Variants in ZNF106 observed in about 807,000 individuals in gnomAD.
ZNF106 encodes SH3-domain binding protein 3.
ZNF106 carries 67 observed loss-of-function variants against 195.1 expected under a neutral mutation model. The ratio of observed to expected loss-of-function variants is 0.34; its 90% CI spans 0.28 to 0.42. The LOEUF is 0.42. Among genes scored for constraint, ZNF106 ranks in the 10% least tolerant of loss-of-function variants. The probability of loss-of-function intolerance (pLI) is 1.00; values close to 1 mark genes in which losing one functional copy is unlikely to be tolerated. For synonymous variants in ZNF106, 784 were observed against 818.6 expected, an observed-to-expected ratio of 0.96 and a Z score of 0.72; for missense variants, 2,118 against 2,304.5, an observed-to-expected ratio of 0.92 and a Z score of 1.66.
intron 3 of ZNF106, among the ~76,000 whole-genome samples, chr15:42,458,725 A>AG (rs2056309754): frequency 6.6e-6 from 1 of 151,706 alleles, no homozygotes; most frequent in South Asian, 2.1e-4. Flanking sequence ...CAAAAGAAAA[A>AG]AAAAAACAAC....
At chr15:42,434,022 T>C (rs2055170645) in intron 14 of ZNF106, among the ~76,000 whole-genome samples, 1 of 152,122 alleles carries the variant, frequency 6.6e-6, no homozygotes, top group Non-Finnish European at 1.5e-5. Context: ...CTGATTTTTA[T>C]TTTTTATAGA....
chr15:42,439,209 T>G lies in ZNF106; in HGVS notation c.4368A>C (p.Leu1456Phe). ...LEVLEIPNPQ[L>F]EVVAIDSSES... ...CTGAAGAATCAATGGCTACTACTTC[T>G]AACTGAGGATTAGGAATTTCTAGGA... The change falls in exon 11 of 22, where the codon TTA becomes TTC. Residue 1456 changes from leucine to phenylalanine, a missense_variant. By Grantham distance (22) the Leu-to-Phe change is conservative. Coordinates refer to ENST00000564754, the MANE Select transcript of ZNF106 (RefSeq NM_001366845.3). 6.2e-7 allele frequency: 1 copy of G among 1,614,154 alleles called. No individual in the cohort carries two copies. Among genetic ancestry groups the G allele is most frequent in the Non-Finnish European group, 8.5e-7 (1 of 1,180,026 alleles).
chr15:42,488,038 GACCT>G (rs1408390269), intron 1 of ZNF106, among the ~76,000 whole-genome samples: 1 of 152,138 alleles, frequency 6.6e-6, no homozygotes, highest in Non-Finnish European at 1.5e-5. Flanking sequence ...TTACATGTAA[GACCT>G]AATACAATGC....
intron 14 of ZNF106, among the ~76,000 whole-genome samples, chr15:42,432,662 CAGG>C (rs2055095739): frequency 6.6e-6 from 1 of 150,782 alleles, no homozygotes; most frequent in South Asian, 2.1e-4. Flanking sequence ...TGCTTGTGCC[CAGG>C]AGCTTTAGAA....
At position 42,422,535 on chromosome 15, in the gene ZNF106, C is replaced by T; in HGVS notation, c.5339G>A (p.Cys1780Tyr). 1.2e-6 allele frequency: 2 copies of T among 1,613,558 alleles called. No homozygotes were observed. The highest frequency in any genetic ancestry group is 1.7e-6 in the Non-Finnish European group (2 of 1,179,930). The change falls in exon 18 of 22, where the codon TGC becomes TAC. Residue 1780 changes from cysteine to tyrosine, a missense_variant. Transcript: ENST00000564754. ...NILGKVMVTA[C>Y]LDKFVRVYEL... ...ATAGACACGAACAAATTTATCCAGG[C>T]AAGCAGTCACCATCACTTTTCCTAG... is the stretch of plus-strand genomic sequence containing the variant.
At chr15:42,472,343 T>A (rs1184444847) in intron 1 of ZNF106, 22 bp from the exon 2 acceptor site, 2 of 1,510,994 alleles carry the variant, frequency 1.3e-6, no homozygotes, top group Non-Finnish European at 1.8e-6. Flanking sequence ...AAGTAACATT[T>A]AGTAACCTTT....
chr15:42,464,110 G>A (rs2056457170), intron 3 of ZNF106, among the ~76,000 whole-genome samples: 1 of 147,654 alleles, frequency 6.8e-6, no homozygotes, highest in African/African-American at 2.4e-5. Flanking sequence ...GGGAGGCCGA[G>A]GCGGGCAGAT....
At chr15:42,440,595 T>C (rs1328515512) in intron 10 of ZNF106, among the ~76,000 whole-genome samples, 1 of 152,118 alleles carries the variant, frequency 6.6e-6, no homozygotes, top group Non-Finnish European at 1.5e-5. Context: ...TGAAATAATA[T>C]GTAATACGAA....
chr15:42,481,524 A>G lies in ZNF106; in HGVS notation c.-32-9203T>C, dbSNP rs191652095. The stretch of plus-strand genomic sequence containing the variant: ...AGGCACCAGCTAATCATGCCTGGCT[A>G]ATTTTTTTTATTTTTAGTAGAGATG... On this transcript the variant is annotated intron_variant, in intron 1 of 21. Transcript: ENST00000564754. Among the ~76,000 whole-genome samples the G allele has an allele frequency of 1.9e-3, 291 of 151,798 alleles. 1 individual carries two copies. Among genetic ancestry groups the G allele is most frequent in the African/African-American group, 6.7e-3 (279 of 41,412 alleles).
intron 15 of ZNF106, among the ~76,000 whole-genome samples, chr15:42,426,563 C>CTTTTT (rs539711765): frequency 2.6e-5 from 3 of 115,736 alleles, no homozygotes; most frequent in Non-Finnish European, 5.3e-5. Flanking sequence ...CCATACTTAG[C>CTTTTT]TTTTTTTTTT....
Position 42,472,310 on chromosome 15 carries a change from T to G in ZNF106, c.-21A>C, listed in dbSNP as rs576612689. On this transcript the variant is annotated 5_prime_UTR_variant, in exon 2 of 22. Transcript: ENST00000564754. The stretch of plus-strand genomic sequence containing the variant: ...ACCATAGTGACCAGATCTGAAGCAC[T>G]CAACGTCACAGCTGCAATGAGGAAG... 1.3e-6 allele frequency: 2 copies of G among 1,534,834 alleles called. No homozygotes were observed. The highest frequency in any genetic ancestry group is 3.9e-5 in the Admixed American group (2 of 50,882).
At chr15:42,484,009 A>T (rs1354852237) in intron 1 of ZNF106, among the ~76,000 whole-genome samples, 1 of 152,164 alleles carries the variant, frequency 6.6e-6, no homozygotes, top group Non-Finnish European at 1.5e-5. Flanking sequence ...GCTATTTCTG[A>T]GGCACACTGT....
Position 42,422,533 on chromosome 15 carries a change from G to A in ZNF106, c.5341C>T (p.Leu1781=), listed in dbSNP as rs946493971. The A allele has an allele frequency of 6.2e-7, 1 of 1,613,418 alleles. No individual in the cohort carries two copies. The highest frequency in any genetic ancestry group is 8.5e-7 in the Non-Finnish European group (1 of 1,179,906). The change falls in exon 18 of 22, where the codon CTG becomes TTG. Residue 1781 remains leucine (L), a synonymous_variant. Coordinates refer to ENST00000564754, the MANE Select transcript of ZNF106 (RefSeq NM_001366845.3). ...TCATAGACACGAACAAATTTATCCAGGCAAGCAGTCACCATCACTTTTCCT... is the reference window on the plus strand; with the variant it reads ...TCATAGACACGAACAAATTTATCCAAGCAAGCAGTCACCATCACTTTTCCT... ...ILGKVMVTAC[L]DKFVRVYELQ...
At chr15:42,469,448 C>A (rs1394979113) in intron 2 of ZNF106, among the ~76,000 whole-genome samples, 6 of 152,110 alleles carry the variant, frequency 3.9e-5, no homozygotes. Flanking sequence ...TAAAACACTT[C>A]ACTAATCTTG....
chr15:42,442,371 G>T lies in ZNF106; in HGVS notation c.3465C>A (p.Ser1155Arg), dbSNP rs765549486. The T allele has an allele frequency of 1.2e-6, 2 of 1,613,964 alleles. No homozygotes were observed. Among genetic ancestry groups the T allele is most frequent in the Admixed American group, 1.7e-5 (1 of 59,992 alleles). Reference sequence around the variant, plus strand: ...TACTGTTCCTTCGTTCTCGTGTGAGGCTACAGGGAACCTGGTCTGGGTGCT... The same window carrying T: ...TACTGTTCCTTCGTTCTCGTGTGAGTCTACAGGGAACCTGGTCTGGGTGCT... ...PSEHPDQVPC[S>R]LTRERRNSRS... is the part of the protein sequence containing the mutation. Residue 1155 changes from serine to arginine, a missense_variant, in exon 10 of 22, where the codon AGC becomes AGA. Transcript: ENST00000564754.
In ZNF106 at chr15:42,413,060, T is replaced by C. The variant is rs1301346290; in HGVS notation, c.*4244A>G. 6.6e-6 allele frequency: 1 copy of C among 152,146 alleles called. No individual in the cohort carries two copies. The highest frequency in any genetic ancestry group is 2.4e-5 in the African/African-American group (1 of 41,410). The allele number at this position is 152,146 out of a possible 1,614,324, so 9.4% of individuals were successfully genotyped here. A position where few individuals can be genotyped will look rare whatever the true frequency, so the allele number is the denominator to read the frequency against. ...TATTTCTCTTAAATAGGAGAAAGAT[T>C]TTCAACAGCTTTTCCTCCTTGACCC... is the stretch of plus-strand genomic sequence containing the variant. On this transcript the variant is annotated 3_prime_UTR_variant, in exon 22 of 22. Transcript: ENST00000564754.
chr15:42,423,051 C>G (rs1303410699), intron 17 of ZNF106, among the ~76,000 whole-genome samples: 1 of 151,980 alleles, frequency 6.6e-6, no homozygotes, highest in Non-Finnish European at 1.5e-5. Context: ...TCAGCTGTTT[C>G]TGTTGTTCAT....
chr15:42,442,552 G>A (rs902775178), intron 9 of ZNF106, 138 bp from the exon 10 acceptor site: 16 of 628,524 alleles, frequency 2.5e-5, no homozygotes, highest in African/African-American at 3.7e-5. Context: ...ATAATTCTCC[G>A]AAATATGGAG....
chr15:42,434,143 C>T (rs139593362), intron 14 of ZNF106, among the ~76,000 whole-genome samples: 70 of 152,206 alleles, frequency 4.6e-4, no homozygotes, highest in African/African-American at 1.5e-3. Context: ...CATAGTACCT[C>T]GCCTAGAAAT....
Sources: gnomAD v4.1 joint callset for allele counts (sites outside exome capture counted in the v4.1 genomes callset) on GRCh38, gnomAD v4.1.1 for gene constraint, MANE v1.5 for transcripts, NCBI Gene and HGNC (gene_info 2026-07-23, HGNC 2026-07-21) for gene names.